The following POLDIP2 variants were observed in gnomAD, a reference collection of about 807,000 sequenced individuals.
The protein encoded by POLDIP2 is DNA polymerase delta interacting protein 2.
POLDIP2 carries 32 observed loss-of-function variants against 52.9 expected under a neutral mutation model. The observed-to-expected ratio is 0.61, with a 90% confidence interval of 0.46 to 0.81. The LOEUF (loss-of-function observed/expected upper bound fraction) is 0.81. Ranked by LOEUF, POLDIP2 falls within the 40% of genes least tolerant of loss-of-function variation. The pLI is 0.00. For missense variants in POLDIP2, 371 were observed against 477.3 expected, an observed-to-expected ratio of 0.78 and a Z score of 2.07; for synonymous variants, 183 against 183.0, an observed-to-expected ratio of 1.00 and a Z score of 0.00.
Position 28,353,601 on chromosome 17 carries a change from G to A in POLDIP2, c.438+94C>T, listed in dbSNP as rs1156322764. 3.5e-6 allele frequency: 3 copies of A among 854,150 alleles called. No individual in the cohort carries two copies. The African/African-American group carries it at 5.0e-5, about 14-fold the overall frequency. 52.9% of individuals were successfully genotyped at this position (854,150 alleles called of 1,614,324 possible). On this transcript the variant is annotated intron_variant, in intron 4 of 10. Coordinates refer to ENST00000540200, the MANE Select transcript of POLDIP2 (RefSeq NM_015584.5). ...GCCTTGGGGACCAAGACTGACCTGG[G>A]CTCTGTTTGACCCCCTTCCCTCCCT...
At chr17:28,357,263 C>G in intron 1 of POLDIP2, 25 bp downstream of exon 1, 1 of 1,555,798 alleles carries the variant, frequency 6.4e-7, no homozygotes, top group Non-Finnish European at 8.6e-7. Context: ...CCCAGTTCCT[C>G]GCGCCCCCTG....
intron 9 of POLDIP2, 83 bp downstream of exon 9, chr17:28,350,355 T>C (rs1907749149): frequency 7.9e-7 from 1 of 1,270,834 alleles, no homozygotes; most frequent in Non-Finnish European, 1.1e-6. Flanking sequence ...CCTCTGTCTA[T>C]AACAACAAAG....
chr17:28,352,489 G>T (rs1449163603), intron 6 of POLDIP2, among the ~76,000 whole-genome samples: 1 of 150,176 alleles, frequency 6.7e-6, no homozygotes, highest in Non-Finnish European at 1.5e-5. Context: ...GCCCGTGTCA[G>T]CCTCCCAAAG....
chr17:28,353,627 T>C, intron 4 of POLDIP2, 68 bp downstream of exon 4: 1 of 1,109,940 alleles, frequency 9.0e-7, no homozygotes, highest in Non-Finnish European at 1.4e-6. Context: ...TTCCCTCCCT[T>C]TGTCCCCATT....
chr17:28,349,273 G>A (rs2142393173), intron 9 of POLDIP2, 111 bp from the exon 10 acceptor site: 2 of 687,416 alleles, frequency 2.9e-6, no homozygotes, highest in East Asian at 5.7e-5. Context: ...CCCCTACCCA[G>A]CCACCACCAC....
chr17:28,352,075 A>G (rs1270614404), intron 6 of POLDIP2, among the ~76,000 whole-genome samples: 1 of 152,078 alleles, frequency 6.6e-6, no homozygotes, highest in Non-Finnish European at 1.5e-5. Context: ...TCACTCTGCT[A>G]CTAGCAACCT....
In POLDIP2 at chr17:28,350,350, G is replaced by A. The variant is rs188810172; in HGVS notation, c.912+88C>T. On this transcript the variant is annotated intron_variant, in intron 9 of 10. Coordinates refer to ENST00000540200, the MANE Select transcript of POLDIP2 (RefSeq NM_015584.5). The stretch of plus-strand genomic sequence containing the variant: ...CAATGTATTCACAAAGTGAGCCTCT[G>A]TCTATAACAACAAAGGAGAAGGAAG... The A allele has an allele frequency of 8.6e-5, 103 of 1,199,818 alleles. No homozygotes were observed. The East Asian group carries it at 2.4e-3, about 28-fold the overall frequency. 74.3% of individuals were successfully genotyped at this position (1,199,818 alleles called of 1,614,324 possible). A position where few individuals can be genotyped will look rare whatever the true frequency, so the allele number is the denominator to read the frequency against.
chr17:28,350,567 A>C lies in POLDIP2; in HGVS notation c.787-4T>G, dbSNP rs377145810. On this transcript the variant is annotated splice_region_variant and splice_polypyrimidine_tract_variant and intron_variant, in intron 8 of 10. Coordinates refer to ENST00000540200, the MANE Select transcript of POLDIP2 (RefSeq NM_015584.5). ...CCAAACGGATACAGTAGCGCCACTGAGGTGGGTGTGGGAGAGAGAGTTTAA... is the reference window on the plus strand; with the variant it reads ...CCAAACGGATACAGTAGCGCCACTGCGGTGGGTGTGGGAGAGAGAGTTTAA... 1 of 1,612,030 alleles carries C rather than the reference A, an allele frequency of 6.2e-7. No homozygotes were observed. The highest frequency in any genetic ancestry group is 1.7e-5 in the Admixed American group (1 of 59,588).
chr17:28,357,157 C>T, intron 1 of POLDIP2, 131 bp downstream of exon 1: 1 of 904,006 alleles, frequency 1.1e-6, no homozygotes, highest in Non-Finnish European at 1.6e-6. Context: ...CGGCTCCCTG[C>T]TCGGGACCCT....
At chr17:28,349,881 C>G (rs984154946) in intron 9 of POLDIP2, among the ~76,000 whole-genome samples, 1 of 152,230 alleles carries the variant, frequency 6.6e-6, no homozygotes, top group Admixed American at 6.5e-5. Context: ...TTCTTATTCA[C>G]TTGCCCAACT....
At chr17:28,354,026 A>G (rs1907923583) in intron 3 of POLDIP2, among the ~76,000 whole-genome samples, 1 of 152,174 alleles carries the variant, frequency 6.6e-6, no homozygotes, top group Non-Finnish European at 1.5e-5. Context: ...GATACCTCTT[A>G]AAAGAAGGGG....
At chr17:28,353,164 A>G in intron 5 of POLDIP2, 77 bp downstream of exon 5, 3 of 791,988 alleles carry the variant, frequency 3.8e-6, no homozygotes, top group South Asian at 2.9e-5. Context: ...CCAGTGGATG[A>G]CAGGACATCA....
chr17:28,356,614 C>T (rs1299872347), intron 1 of POLDIP2, among the ~76,000 whole-genome samples: 1 of 152,206 alleles, frequency 6.6e-6, no homozygotes, highest in Non-Finnish European at 1.5e-5. Flanking sequence ...CCCCAATGTT[C>T]AGTGTCTAAT....
At chr17:28,352,818 C>T (rs1021776107) in intron 6 of POLDIP2, 94 bp downstream of exon 6, 5 of 745,124 alleles carry the variant, frequency 6.7e-6, no homozygotes, top group East Asian at 2.7e-5. Context: ...GGATTACAGG[C>T]GTGAGCCACC....
At chr17:28,352,378 C>T (rs760324418) in intron 6 of POLDIP2, among the ~76,000 whole-genome samples, 113 of 151,490 alleles carry the variant, frequency 7.5e-4, no homozygotes, top group Non-Finnish European at 1.4e-3. Context: ...GCTGAGACTA[C>T]AGGTGCACGC....
Position 28,348,117 on chromosome 17 carries a change from C to T in POLDIP2, c.1107G>A (p.Ter369=). The T allele has an allele frequency of 6.3e-7, 1 of 1,594,584 alleles. No homozygotes were observed. Among genetic ancestry groups the T allele is most frequent in the African/African-American group, 1.3e-5 (1 of 74,630 alleles). The change falls in exon 11 of 11, where the codon TAG becomes TAA. Residue 369 remains the stop codon, a stop_retained_variant. Transcript: ENST00000540200. The stretch of plus-strand genomic sequence containing the variant: ...CTGGGCACTTGGGGCCTCAGCTGGC[C>T]TACCAGTGAAGGCCTGAGGGTGGTG... The part of the protein sequence containing the change: ...EKTPPSGLHW[*]
At position 28,357,481 on chromosome 17, in the gene POLDIP2, CA is replaced by C. The variant is rs1158370950; in HGVS notation, c.-34del. On this transcript the variant is annotated 5_prime_UTR_variant, in exon 1 of 11. Coordinates refer to ENST00000540200, the MANE Select transcript of POLDIP2 (RefSeq NM_015584.5). ...CCGAGCGCCCGCCCGGCTGCTGACA[CA>C]GAGCCCGACCCGCGGCCGGGCGGCG... is the stretch of plus-strand genomic sequence containing the variant. The C allele has an allele frequency of 1.4e-6, 2 of 1,432,808 alleles. No individual in the cohort carries two copies. Among genetic ancestry groups the C allele is most frequent in the Admixed American group, 3.0e-5 (1 of 33,430 alleles). 88.8% of individuals were successfully genotyped at this position (1,432,808 alleles called of 1,614,324 possible). A position where few individuals can be genotyped will look rare whatever the true frequency, so the allele number is the denominator to read the frequency against.
In POLDIP2 at chr17:28,347,836, G is replaced by A. The variant is rs1423230377; in HGVS notation, c.*281C>T. 2 of 392,166 alleles carry A rather than the reference G, an allele frequency of 5.1e-6. No homozygotes were observed. The highest frequency in any genetic ancestry group is 9.3e-6 in the Non-Finnish European group (2 of 215,492). The allele number at this position is 392,166 out of a possible 1,614,324, so 24.3% of individuals were successfully genotyped here. A position where few individuals can be genotyped will look rare whatever the true frequency, so the allele number is the denominator to read the frequency against. ...TGATCAAACCTCACGTGACAGGCCA[G>A]GAAACTCCTCCAGGCCTGTGGCAGC... On this transcript the variant is annotated 3_prime_UTR_variant, in exon 11 of 11. Coordinates refer to ENST00000540200, the MANE Select transcript of POLDIP2 (RefSeq NM_015584.5).
intron 6 of POLDIP2, among the ~76,000 whole-genome samples, chr17:28,352,224 G>A (rs1415717179): frequency 2.1e-5 from 2 of 94,240 alleles, no homozygotes; most frequent in Non-Finnish European, 4.2e-5. Context: ...GAAATAGAGC[G>A]TTGGAATTAT....
Sources: allele counts gnomAD v4.1 joint callset (sites outside exome capture counted in the v4.1 genomes callset), GRCh38; gene constraint gnomAD v4.1.1; transcripts MANE v1.5; gene names NCBI Gene and HGNC (gene_info 2026-07-23, HGNC 2026-07-21).